Variants in GCC2 observed in about 807,000 individuals in gnomAD.
The protein encoded by GCC2 is GRIP and coiled-coil domain-containing protein 2.
GCC2 carries 120 observed loss-of-function variants against 210.6 expected under a neutral mutation model. The observed-to-expected ratio is 0.57, with a 90% confidence interval of 0.49 to 0.66. The LOEUF is 0.66. Among genes scored for constraint, GCC2 ranks in the 30% least tolerant of loss-of-function variants. GCC2 has a pLI of 0.00. For synonymous variants in GCC2, 703 were observed against 652.7 expected (o/e 1.08, Z -1.17); for missense variants, 1,868 against 1,871.9 (o/e 1.00, Z 0.04).
At position 108,459,745 on chromosome 2, in the gene GCC2, C is replaced by CTTTTTTTTTTTTT. The variant is rs34052393; in HGVS notation, c.216+7300_216+7312dup. ...GCCATTAGATAATGACCTTCTTTGT[C>CTTTTTTTTTTTTT]TTTTTTTTTTTTTTTTTTTTTTTTT... On this transcript the variant is annotated intron_variant, in intron 4 of 22. Coordinates refer to ENST00000309863, the MANE Select transcript of GCC2 (RefSeq NM_181453.4). Among the ~76,000 whole-genome samples the CTTTTTTTTTTTTT allele has an allele frequency of 4.4e-3, 119 of 26,758 alleles. 11 individuals carry two copies. Among genetic ancestry groups the CTTTTTTTTTTTTT allele is most frequent in the East Asian group, 6.5e-3 (2 of 306 alleles). The allele number at this position is 26,758 out of a possible 152,430, so 17.6% of individuals were successfully genotyped here. A position where few individuals can be genotyped will look rare whatever the true frequency, so the allele number is the denominator to read the frequency against.
chr2:108,500,665 G>C (rs1212701786), intron 22 of GCC2, among the ~76,000 whole-genome samples: 1 of 152,190 alleles, frequency 6.6e-6, no homozygotes, highest in South Asian at 2.1e-4. Context: ...TAAGAATTAT[G>C]GTTTCATGTT....
At chr2:108,503,453 C>A (rs1683028738) in intron 22 of GCC2, among the ~76,000 whole-genome samples, 1 of 152,150 alleles carries the variant, frequency 6.6e-6, no homozygotes, top group African/African-American at 2.4e-5. Flanking sequence ...GGTAAAAGGT[C>A]TAAGATGCAA....
At chr2:108,456,676 C>CAG (rs201970748) in intron 4 of GCC2, among the ~76,000 whole-genome samples, 1,527 of 152,148 alleles carry the variant, frequency 0.01, 14 homozygotes, top group Non-Finnish European at 0.013. Flanking sequence ...TTTTGCTATG[C>CAG]AGAAGCTTTT....
intron 9 of GCC2, among the ~76,000 whole-genome samples, chr2:108,476,495 C>G (rs1047946015): frequency 6.6e-6 from 1 of 152,068 alleles, no homozygotes; most frequent in Non-Finnish European, 1.5e-5. Context: ...AAACCTGAAG[C>G]TTAAACAAGG....
chr2:108,449,315 C>T (rs1295023782), intron 1 of GCC2, 35 bp downstream of exon 1: 2 of 1,543,564 alleles, frequency 1.3e-6, no homozygotes, highest in African/African-American at 1.4e-5. Flanking sequence ...TCCCATCAAG[C>T]CTTCCGCGCC....
chr2:108,484,376 G>A (rs1032995974), intron 13 of GCC2, 65 bp downstream of exon 13: 6 of 891,458 alleles, frequency 6.7e-6, no homozygotes, highest in Non-Finnish European at 1.0e-5. Flanking sequence ...TTTGGTGGGG[G>A]GCATTACTTG....
chr2:108,489,762 G>A, intron 17 of GCC2, 76 bp from the exon 18 acceptor site: 1 of 986,640 alleles, frequency 1.0e-6, no homozygotes, highest in East Asian at 2.7e-5. Context: ...AGGTTAAATG[G>A]TTAAACTATA....
intron 17 of GCC2, among the ~76,000 whole-genome samples, chr2:108,488,656 G>T (rs1458125403): frequency 6.6e-6 from 1 of 152,112 alleles, no homozygotes; most frequent in Non-Finnish European, 1.5e-5. Flanking sequence ...TATTGTTTAT[G>T]CTGCTTTAAA....
At chr2:108,452,685 T>C (rs1475931669) in intron 4 of GCC2, among the ~76,000 whole-genome samples, 1 of 135,012 alleles carries the variant, frequency 7.4e-6, no homozygotes, top group East Asian at 2.6e-4. Flanking sequence ...ATTTTCTTTT[T>C]TCTTTCTTTT....
At chr2:108,463,891 A>C (rs1009029041) in intron 4 of GCC2, among the ~76,000 whole-genome samples, 1 of 152,184 alleles carries the variant, frequency 6.6e-6, no homozygotes, top group Non-Finnish European at 1.5e-5. Context: ...AATGAGTGCC[A>C]GCTGTGGTGG....
Position 108,509,356 on chromosome 2 carries a change from G to A in GCC2, c.*1726G>A, listed in dbSNP as rs527736758. The A allele has an allele frequency of 9.2e-5, 14 of 152,446 alleles. No homozygotes were observed. Among genetic ancestry groups the A allele is most frequent in the African/African-American group, 2.9e-4 (12 of 41,536 alleles). The allele number at this position is 152,446 out of a possible 1,614,324, so 9.4% of individuals were successfully genotyped here. A position where few individuals can be genotyped will look rare whatever the true frequency, so the allele number is the denominator to read the frequency against. On this transcript the variant is annotated 3_prime_UTR_variant, in exon 23 of 23. Coordinates refer to ENST00000309863, the MANE Select transcript of GCC2 (RefSeq NM_181453.4). ...CATGGTTTCTGCAATGAGAGGAAGT[G>A]TAATGATTATTTTAATATTTCTATT...
At chr2:108,487,841 G>A (rs1282543954) in intron 17 of GCC2, 21 bp downstream of exon 17, 2 of 1,603,228 alleles carry the variant, frequency 1.2e-6, no homozygotes, top group East Asian at 4.5e-5. Flanking sequence ...AATTAAATAT[G>A]CAGAGTTTTC....
chr2:108,506,748 A>G (rs916602025), intron 22 of GCC2, among the ~76,000 whole-genome samples: 1 of 152,200 alleles, frequency 6.6e-6, no homozygotes, highest in African/African-American at 2.4e-5. Flanking sequence ...CTTATCGTCA[A>G]CAATACTTAG....
chr2:108,449,660 C>G lies in GCC2; in HGVS notation c.34C>G (p.Pro12Ala), dbSNP rs1470700036. Residue 12 changes from proline to alanine, a missense_variant, in exon 2 of 23, where the codon CCA becomes GCA. Pro to Ala is a conservative substitution (Grantham distance 27, BLOSUM62 -1). Coordinates refer to ENST00000309863, the MANE Select transcript of GCC2 (RefSeq NM_181453.4). The stretch of plus-strand genomic sequence containing the variant: ...TCTTGTTCAAGATGGGGTGGCTTCA[C>G]CAGCTACCCCTGGGACCGGGAAATC... ...EDLVQDGVAS[P>A]ATPGTGKSKL... is the part of the protein sequence containing the mutation. 62 of 1,613,586 alleles carry G rather than the reference C, an allele frequency of 3.8e-5. No individual in the cohort carries two copies. The highest frequency in any genetic ancestry group is 4.9e-5 in the Non-Finnish European group (58 of 1,179,712).
chr2:108,458,689 A>G (rs1680396631), intron 4 of GCC2, among the ~76,000 whole-genome samples: 1 of 151,872 alleles, frequency 6.6e-6, no homozygotes, highest in Non-Finnish European at 1.5e-5. Context: ...CATTTCCTCT[A>G]GGTTTTCCAG....
At chr2:108,483,681 G>A (rs926082511) in intron 12 of GCC2, among the ~76,000 whole-genome samples, 4 of 152,168 alleles carry the variant, frequency 2.6e-5, no homozygotes, top group African/African-American at 4.8e-5. Context: ...AGGCTCCTGA[G>A]TTACAAGATT....
At position 108,508,186 on chromosome 2, in the gene GCC2, TA is replaced by T. The variant is rs1231955452; in HGVS notation, c.*557del. 5 of 151,238 alleles carry T rather than the reference TA, an allele frequency of 3.3e-5. No individual in the cohort carries two copies. The Admixed American group carries it at 3.3e-4, about 10-fold the overall frequency. The allele number at this position is 151,238 out of a possible 1,614,324, so 9.4% of individuals were successfully genotyped here. A position where few individuals can be genotyped will look rare whatever the true frequency, so the allele number is the denominator to read the frequency against. On this transcript the variant is annotated 3_prime_UTR_variant, in exon 23 of 23. Coordinates refer to ENST00000309863, the MANE Select transcript of GCC2 (RefSeq NM_181453.4). The stretch of plus-strand genomic sequence containing the variant: ...TAAAATAAAAATAACGTTTTATGAC[TA>T]TTTATTGCAAGGTCAGAGTTACAGA...
chr2:108,486,513 A>G lies in GCC2; in HGVS notation c.3795A>G (p.Ile1265Met). The change falls in exon 16 of 23, where the codon ATA (isoleucine) becomes ATG (methionine). Residue 1265 changes from isoleucine (I) to methionine (M), a missense_variant and splice_region_variant. Ile to Met is a conservative substitution (Grantham distance 10). Transcript: ENST00000309863. ...ASQQQVEVYK[I>M]QLAEITSEKH... ...TAAATTTAAAGATTTACCCCCAGAT[A>G]CAGCTGGCTGAAATAACATCAGAGA... 2 of 1,614,138 alleles carry G rather than the reference A, an allele frequency of 1.2e-6. No individual in the cohort carries two copies. Among genetic ancestry groups the G allele is most frequent in the Non-Finnish European group, 8.5e-7 (1 of 1,179,980 alleles).
chr2:108,449,866 G>A (rs569012150), intron 2 of GCC2, 177 bp downstream of exon 2: 2 of 587,710 alleles, frequency 3.4e-6, no homozygotes, highest in Admixed American at 3.1e-5. Flanking sequence ...CGCCCACCCC[G>A]ATATAGAAAG....
Sources: gnomAD v4.1 joint callset for allele counts (sites outside exome capture counted in the v4.1 genomes callset) on GRCh38, gnomAD v4.1.1 for gene constraint, MANE v1.5 for transcripts, NCBI Gene and HGNC (gene_info 2026-07-23, HGNC 2026-07-21) for gene names.